Variants in ANKRD30A observed in about 807,000 individuals in gnomAD.
ANKRD30A encodes ankyrin repeat domain-containing protein 30A.
A neutral mutation model predicts 166.3 loss-of-function variants in ANKRD30A; 170 were observed. The observed-to-expected ratio is 1.02, with a 90% confidence interval of 0.90 to 1.16. ANKRD30A has a LOEUF of 1.16. ANKRD30A is among the 50% of genes most tolerant of loss of function. The probability of loss-of-function intolerance (pLI) is 0.00; values close to 1 mark genes in which losing one functional copy is unlikely to be tolerated. For synonymous variants in ANKRD30A, 564 were observed against 508.9 expected (o/e 1.11, Z -1.46); for missense variants, 1,630 against 1,518.0 (o/e 1.07, Z -1.23).
chr10:37,178,770 T>C (rs1168745586), intron 24 of ANKRD30A, among the ~76,000 whole-genome samples: 10 of 106,780 alleles, frequency 9.4e-5, no homozygotes, highest in African/African-American at 3.6e-4. Context: ...AGTCTAGTGA[T>C]TATTTTTGCT....
chr10:37,207,848 G>GTA (rs1842076055), intron 31 of ANKRD30A, among the ~76,000 whole-genome samples: 1 of 151,944 alleles, frequency 6.6e-6, no homozygotes, highest in South Asian at 2.1e-4. Context: ...TGATAGAAAA[G>GTA]TATATATATC....
At position 37,138,751 on chromosome 10, in the gene ANKRD30A, T is replaced by C. The variant is rs141340880; in HGVS notation, c.820+2080T>C. Among the ~76,000 whole-genome samples, 1,137 of 152,270 alleles carry C rather than the reference T, an allele frequency of 7.5e-3. 47 individuals are homozygous for C. The East Asian group carries it at 0.11, about 15-fold the overall frequency. On this transcript the variant is annotated intron_variant, in intron 6 of 35. Transcript: ENST00000361713. ...GTGAAAAGACCAAATCTACATCTGA[T>C]TGGTGTACCTGAAAGTGACGGGGAG...
intron 1 of ANKRD30A, among the ~76,000 whole-genome samples, chr10:37,127,587 C>T (rs1228582229): frequency 2.6e-5 from 4 of 152,126 alleles, no homozygotes; most frequent in East Asian, 1.9e-4. Flanking sequence ...AAAAAACCCT[C>T]TAATTTAAAA....
the ANKRD30A span, among the ~76,000 whole-genome samples, chr10:37,253,156 T>G: frequency 2.0e-5 from 3 of 152,228 alleles, no homozygotes; most frequent in African/African-American, 7.2e-5. Flanking sequence ...TTTGAAATAA[T>G]TTCAACTTGT....
intron 34 of ANKRD30A, among the ~76,000 whole-genome samples, chr10:37,230,285 A>G (rs1405198050): frequency 1.3e-5 from 2 of 152,044 alleles, no homozygotes; most frequent in Non-Finnish European, 2.9e-5. Flanking sequence ...AATTTGCCTC[A>G]AAAGTTTAAT....
intron 27 of ANKRD30A, among the ~76,000 whole-genome samples, chr10:37,194,052 C>G (rs912855243): frequency 2.0e-5 from 3 of 151,974 alleles, no homozygotes; most frequent in African/African-American, 7.3e-5. Context: ...AAAAAGTAGC[C>G]GGTTGTGGTG....
chr10:37,132,413 G>A lies in ANKRD30A; in HGVS notation c.617+67G>A. On this transcript the variant is annotated intron_variant, in intron 4 of 35. Coordinates refer to ENST00000361713, the MANE Select transcript of ANKRD30A (RefSeq NM_052997.3). ...TTCTAGAGTAATAACACTCAAGTCA[G>A]AAATATTTAATAACATTTACTTAAA... The A allele has an allele frequency of 5.7e-6, 5 of 874,638 alleles. No homozygotes were observed. The South Asian group carries it at 7.3e-5, about 13-fold the overall frequency. 54.2% of individuals were successfully genotyped at this position (874,638 alleles called of 1,614,324 possible). A position where few individuals can be genotyped will look rare whatever the true frequency, so the allele number is the denominator to read the frequency against.
chr10:37,202,567 A>G (rs1178429668), intron 31 of ANKRD30A, among the ~76,000 whole-genome samples: 1 of 152,336 alleles, frequency 6.6e-6, no homozygotes, highest in East Asian at 1.9e-4. Flanking sequence ...CTAACATCAC[A>G]ATTAAAAGAA....
chr10:37,125,840 C>T lies in ANKRD30A; in HGVS notation c.53C>T (p.Pro18Leu). The change falls in exon 1 of 36, where the codon CCG becomes CTG. Residue 18 changes from proline (P) to leucine (L), a missense_variant. Physicochemically the swap from Pro to Leu is moderately conservative, Grantham distance 98. Coordinates refer to ENST00000361713, the MANE Select transcript of ANKRD30A (RefSeq NM_052997.3). The part of the protein sequence containing the change: ...AVKVVPGPER[P>L]SPFSQLVYTS... ...AAGGTCGTGCCGGGCCCGGAGCGCC[C>T]GAGCCCTTTCAGCCAGCTAGTCTAT... The T allele has an allele frequency of 8.8e-7, 1 of 1,133,070 alleles. No homozygotes were observed. The highest frequency in any genetic ancestry group is 1.3e-6 in the Non-Finnish European group (1 of 774,072). The allele number at this position is 1,133,070 out of a possible 1,614,324, so 70.2% of individuals were successfully genotyped here. A position where few individuals can be genotyped will look rare whatever the true frequency, so the allele number is the denominator to read the frequency against.
At chr10:37,136,696 CCT>C in intron 6 of ANKRD30A, 25 bp downstream of exon 6, 5 of 1,297,552 alleles carry the variant, frequency 3.9e-6, no homozygotes, top group South Asian at 2.7e-5. Context: ...AGTAAACTAC[CCT>C]TGGTGGTGCT....
chr10:37,239,224 G>C, the ANKRD30A span, among the ~76,000 whole-genome samples: 3 of 152,026 alleles, frequency 2.0e-5, no homozygotes, highest in Non-Finnish European at 4.4e-5. Context: ...AGACATCAAA[G>C]TTACAACTAT....
chr10:37,217,619 A>G lies in ANKRD30A; in HGVS notation c.3084-76A>G, dbSNP rs1185387894. ...AATTTTATTGGACTAATAACCCAATATAGGAAGAAATAGATCTCAAAATGA... is the reference window on the plus strand; with the variant it reads ...AATTTTATTGGACTAATAACCCAATGTAGGAAGAAATAGATCTCAAAATGA... On this transcript the variant is annotated intron_variant, in intron 32 of 35. Transcript: ENST00000361713. 7.3e-6 allele frequency: 9 copies of G among 1,228,754 alleles called. No individual in the cohort carries two copies. In the African/African-American group the frequency reaches 7.9e-5, roughly 11 times the overall value. 76.1% of individuals were successfully genotyped at this position (1,228,754 alleles called of 1,614,324 possible).
the ANKRD30A span, among the ~76,000 whole-genome samples, chr10:37,250,759 A>G: frequency 1.3e-5 from 2 of 152,198 alleles, no homozygotes; most frequent in African/African-American, 4.8e-5. Flanking sequence ...CTTGCCAAAC[A>G]CCAAATCTGC....
At chr10:37,217,082 CTA>C (rs1842641438) in intron 32 of ANKRD30A, among the ~76,000 whole-genome samples, 1 of 150,614 alleles carries the variant, frequency 6.6e-6, no homozygotes, top group Non-Finnish European at 1.5e-5. Context: ...CTGTCTTGTT[CTA>C]AAAGAGATTT....
chr10:37,201,176 A>C (rs1841593905), intron 30 of ANKRD30A, 59 bp from the exon 31 acceptor site: 1 of 1,330,800 alleles, frequency 7.5e-7, no homozygotes, highest in East Asian at 2.7e-5. Flanking sequence ...GGAAATTTTG[A>C]TAATCTTCAT....
intron 27 of ANKRD30A, among the ~76,000 whole-genome samples, chr10:37,194,119 G>T (rs562086247): frequency 3.3e-5 from 5 of 151,702 alleles, no homozygotes; most frequent in African/African-American, 4.8e-5. Flanking sequence ...TGGCTTGAAC[G>T]TAGGAGGCAG....
At chr10:37,198,285 G>A (rs979541187) in intron 29 of ANKRD30A, among the ~76,000 whole-genome samples, 5 of 151,636 alleles carry the variant, frequency 3.3e-5, no homozygotes, top group South Asian at 2.1e-4. Flanking sequence ...TGTAATGTTC[G>A]GCAACATTCG....
intron 21 of ANKRD30A, among the ~76,000 whole-genome samples, chr10:37,171,645 G>C (rs1317212144): frequency 6.6e-6 from 1 of 151,522 alleles, no homozygotes; most frequent in Non-Finnish European, 1.5e-5. Context: ...TAACAAATGG[G>C]CTCTTGTATA....
chr10:37,248,443 G>T, the ANKRD30A span, among the ~76,000 whole-genome samples: 1 of 152,116 alleles, frequency 6.6e-6, no homozygotes, highest in Non-Finnish European at 1.5e-5. Context: ...ACGCCACATG[G>T]GGTATGTTCT....
Sources: allele counts gnomAD v4.1 joint callset (sites outside exome capture counted in the v4.1 genomes callset), GRCh38; gene constraint gnomAD v4.1.1; transcripts MANE v1.5; gene names NCBI Gene and HGNC (gene_info 2026-07-23, HGNC 2026-07-21).